MAPK10: variants seen among roughly 807,000 people sequenced by gnomAD.
MAPK10 encodes mitogen-activated protein kinase 10.
Under a neutral mutation model 59.3 loss-of-function variants are expected in MAPK10, and 25 were observed. That is an observed-to-expected ratio of 0.42 (90% CI 0.31 to 0.59). The LOEUF is 0.59. Among genes scored for constraint, MAPK10 ranks in the 20% least tolerant of loss-of-function variants. MAPK10 has a pLI of 0.15. For synonymous variants in MAPK10, 190 were observed against 200.5 expected, an observed-to-expected ratio of 0.95 and a Z score of 0.44; for missense variants, 351 against 568.9, an observed-to-expected ratio of 0.62 and a Z score of 3.90.
rs747283788 is a variant in MAPK10 at position 86,159,513 on chromosome 4, A to C, written c.67-46T>G. ...AAAAACATGAGGCAAGTGAACAGGC[A>C]GAATGATAATGAGATGTACAGAAAC... On this transcript the variant is annotated intron_variant, in intron 3 of 13. Transcript: ENST00000641462. 3 of 1,522,878 alleles carry C rather than the reference A, an allele frequency of 2.0e-6. No individual in the cohort carries two copies. In the South Asian group the frequency reaches 3.5e-5, roughly 18 times the overall value. 94.3% of individuals were successfully genotyped at this position (1,522,878 alleles called of 1,614,324 possible). A position where few individuals can be genotyped will look rare whatever the true frequency, so the allele number is the denominator to read the frequency against.
At position 86,342,294 on chromosome 4, in the gene MAPK10, A is replaced by G. The variant is rs534669201; in HGVS notation, c.-7+12236T>C. On this transcript the variant is annotated intron_variant, in intron 2 of 13. Transcript: ENST00000641462. The stretch of plus-strand genomic sequence containing the variant: ...GCAGGAAAATAGTTTACAATAAGGA[A>G]GACTTAGAATAAACAAAATGGAATG... Among the ~76,000 whole-genome samples the G allele has an allele frequency of 3.4e-4, 52 of 152,322 alleles. No homozygotes were observed. The South Asian group carries it at 0.011, about 31-fold the overall frequency.
intron 1 of MAPK10, among the ~76,000 whole-genome samples, chr4:86,488,214 G>A (rs941622639): frequency 4.6e-5 from 7 of 152,128 alleles, no homozygotes; most frequent in Non-Finnish European, 8.8e-5. Context: ...ATCTCATTAA[G>A]GCTCTAGCAA....
intron 1 of MAPK10, among the ~76,000 whole-genome samples, chr4:86,443,524 A>G (rs1749664949): frequency 6.6e-6 from 1 of 152,172 alleles, no homozygotes; most frequent in Non-Finnish European, 1.5e-5. Context: ...ACCGAGAAGC[A>G]CTTGTGAAGT....
intron 1 of MAPK10, among the ~76,000 whole-genome samples, chr4:86,569,457 C>A (rs1167140386): frequency 1.3e-5 from 2 of 151,942 alleles, no homozygotes; most frequent in East Asian, 1.9e-4. Flanking sequence ...GGGTATCTAC[C>A]CAAAGAAAAT....
At chr4:86,395,129 A>T (rs1242269246) in intron 1 of MAPK10, among the ~76,000 whole-genome samples, 1 of 152,188 alleles carries the variant, frequency 6.6e-6, no homozygotes, top group African/African-American at 2.4e-5. Flanking sequence ...TTGGGGCCAA[A>T]GGGTACTATA....
intron 11 of MAPK10, 50 bp downstream of exon 11, chr4:86,064,216 T>A: frequency 6.2e-7 from 1 of 1,606,832 alleles, no homozygotes; most frequent in Non-Finnish European, 8.5e-7. Context: ...GTTTTTGCTA[T>A]GAGCTATGAT....
chr4:86,274,333 G>C (rs1055577426), intron 2 of MAPK10, among the ~76,000 whole-genome samples: 14 of 151,956 alleles, frequency 9.2e-5, no homozygotes, highest in Non-Finnish European at 1.5e-4. Flanking sequence ...CCAAATATCT[G>C]GTTCAAAGTG....
intron 1 of MAPK10, among the ~76,000 whole-genome samples, chr4:86,522,221 T>C (rs1037302578): frequency 3.3e-5 from 5 of 152,222 alleles, no homozygotes; most frequent in African/African-American, 4.8e-5. Flanking sequence ...TTTCTCATTA[T>C]GTGTTTTGAT....
chr4:86,559,828 A>G (rs1198290998), intron 1 of MAPK10, among the ~76,000 whole-genome samples: 5 of 151,972 alleles, frequency 3.3e-5, no homozygotes. Flanking sequence ...AATCCCAGCT[A>G]CTGGGGAGGC....
chr4:86,364,812 T>C (rs967023675), upstream of MAPK10, among the ~76,000 whole-genome samples: 1 of 151,956 alleles, frequency 6.6e-6, no homozygotes, highest in African/African-American at 2.4e-5. Context: ...AAACCCTGTC[T>C]CTACTAAAAA....
chr4:86,571,240 C>T (rs1398655579), intron 1 of MAPK10, among the ~76,000 whole-genome samples: 2 of 145,526 alleles, frequency 1.4e-5, no homozygotes, highest in Non-Finnish European at 3.0e-5. Flanking sequence ...TTAAAAAAAT[C>T]TTTGCAATGA....
rs189977387 is a variant in MAPK10, at chr4:86,019,590, G to A, written c.1253-2220C>T. Among the ~76,000 whole-genome samples the A allele has an allele frequency of 2.0e-4, 30 of 152,126 alleles. No homozygotes were observed. The East Asian group carries it at 4.3e-3, about 22-fold the overall frequency. On this transcript the variant is annotated intron_variant, in intron 13 of 13. Coordinates refer to ENST00000641462, the MANE Select transcript of MAPK10 (RefSeq NM_138982.4). ...CTTGGTTCCTTTACATTGCCCAAAT[G>A]CCCTGCTCTGTTTTTCACCCCCGAT...
At chr4:86,208,424 G>A (rs557746546) in intron 2 of MAPK10, among the ~76,000 whole-genome samples, 3 of 148,086 alleles carry the variant, frequency 2.0e-5, no homozygotes, top group Non-Finnish European at 4.4e-5. Flanking sequence ...GGGATGCAAG[G>A]CTGGTTCAAT....
At chr4:86,071,847 T>A (rs1248766940) in intron 9 of MAPK10, among the ~76,000 whole-genome samples, 2 of 148,688 alleles carry the variant, frequency 1.3e-5, no homozygotes, top group African/African-American at 5.0e-5. Flanking sequence ...CTTTGTTCTT[T>A]TGGCTTAGGA....
intron 1 of MAPK10, among the ~76,000 whole-genome samples, chr4:86,558,237 T>G (rs940517514): frequency 6.6e-6 from 1 of 152,180 alleles, no homozygotes; most frequent in African/African-American, 2.4e-5. Flanking sequence ...TAAATTTAAG[T>G]CACATAAATT....
chr4:86,184,057 T>G (rs1466816220), intron 3 of MAPK10, among the ~76,000 whole-genome samples: 1 of 152,114 alleles, frequency 6.6e-6, no homozygotes, highest in Non-Finnish European at 1.5e-5. Context: ...GTCAGATGAG[T>G]AGATTGCAAA....
chr4:86,330,041 G>C, intron 2 of MAPK10, among the ~76,000 whole-genome samples: 1 of 152,166 alleles, frequency 6.6e-6, no homozygotes. Flanking sequence ...ACACAGGAAT[G>C]TGCGGCTGTA....
At chr4:86,370,602 A>G (rs917121077) in intron 1 of MAPK10, 1 of 152,050 alleles carries the variant, frequency 6.6e-6, no homozygotes, top group Non-Finnish European at 1.5e-5. Flanking sequence ...AAATATCTAT[A>G]AATGAATCCC....
In MAPK10 at chr4:86,290,767, C is replaced by A. The variant is rs543332518; in HGVS notation, c.-7+63763G>T. 5.2e-4 allele frequency among the ~76,000 whole-genome samples: 79 copies of A among 152,220 alleles called. 1 individual carries two copies. The highest frequency in any genetic ancestry group is 6.3e-4 in the African/African-American group (26 of 41,536). On this transcript the variant is annotated intron_variant, in intron 2 of 13. Coordinates refer to ENST00000641462, the MANE Select transcript of MAPK10 (RefSeq NM_138982.4). ...CCATTTACTATATTAGATGTAGCAG[C>A]CTTATAAAGTTGACCTTTTTCCTTT... is the stretch of plus-strand genomic sequence containing the variant.
Sources: allele counts gnomAD v4.1 joint callset (sites outside exome capture counted in the v4.1 genomes callset), GRCh38; gene constraint gnomAD v4.1.1; transcripts MANE v1.5; gene names NCBI Gene and HGNC (gene_info 2026-07-23, HGNC 2026-07-21).